Variants in AATK observed in about 807,000 individuals in gnomAD.
The protein encoded by AATK is serine/threonine-protein kinase LMTK1.
AATK carries 91 observed loss-of-function variants against 114.3 expected under a neutral mutation model. The ratio of observed to expected loss-of-function variants is 0.80; its 90% CI spans 0.67 to 0.95. The LOEUF is 0.95. Among genes scored for constraint, AATK ranks in the 40% least tolerant of loss-of-function variants. The pLI, the probability that AATK is intolerant of heterozygous loss-of-function variation, is 0.00. For missense variants in AATK, 2,176 were observed against 1,965.2 expected (o/e 1.11, Z -2.03); for synonymous variants, 1,075 against 916.5 (o/e 1.17, Z -3.12).
intron 9 of AATK, among the ~76,000 whole-genome samples, chr17:81,123,706 G>T (rs1035648754): frequency 7.2e-6 from 1 of 138,196 alleles, no homozygotes; most frequent in Non-Finnish European, 1.6e-5. Flanking sequence ...GCGGAGTAGG[G>T]CCCGCACCAG....
rs747997945 is a variant in AATK at position 81,119,428 on chromosome 17, G to A, written c.4036C>T (p.Arg1346Cys). ...TCAGACACGTGCGTGATGGAGAAGC[G>A]GGACGTGGGCGCGGGCGACACCGTG... Reference protein sequence around the residue: ...RFTVSPAPTSRFSITHVSDSD... With the variant: ...RFTVSPAPTSCFSITHVSDSD... Residue 1346 changes from arginine to cysteine, a missense_variant, in exon 13 of 14, where the codon CGC (arginine) becomes TGC (cysteine). By Grantham distance (180) the Arg-to-Cys change is radical. Around this residue, in one of 4 missense-constraint regions of AATK, gnomAD observed 1,701 missense variants for 1,394.7 expected, o/e 1.22. Coordinates refer to ENST00000326724, the MANE Select transcript of AATK (RefSeq NM_001080395.3). 7.2e-6 allele frequency: 11 copies of A among 1,531,482 alleles called. No homozygotes were observed. The highest frequency in any genetic ancestry group is 9.6e-6 in the Non-Finnish European group (11 of 1,146,236). The allele number at this position is 1,531,482 out of a possible 1,614,324, so 94.9% of individuals were successfully genotyped here. A position where few individuals can be genotyped will look rare whatever the true frequency, so the allele number is the denominator to read the frequency against.
chr17:81,125,839 G>A, intron 7 of AATK: 2 of 461,674 alleles, frequency 4.3e-6, no homozygotes, highest in South Asian at 1.6e-5. Flanking sequence ...TGGGGGCAGG[G>A]CAGCTGGGGC....
At position 81,138,973 on chromosome 17, in the gene AATK, CCA is replaced by C. The variant is rs1490491238; in HGVS notation, c.56-4474_56-4473del. Among the ~76,000 whole-genome samples, 4 of 151,200 alleles carry C rather than the reference CCA, an allele frequency of 2.6e-5. No individual in the cohort carries two copies. In the East Asian group the frequency reaches 7.8e-4, roughly 30 times the overall value. ...ACACCCCCCACACGTGCGCGCGCAC[CCA>C]CACCCACACGTGCGTACACACGCAT... On this transcript the variant is annotated intron_variant, in intron 1 of 13. Transcript: ENST00000326724.
At position 81,134,495 on chromosome 17, in the gene AATK, G is replaced by A. The variant is rs778744693; in HGVS notation, c.62C>T (p.Ala21Val). ...TGGCCAGGACAGCTCGCTGAGCGGG[G>A]CGCCGTCTGCGGGAGAGCAGTGTGG... ...AFSSHFDPDG[A>V]PLSELSWPSS... Residue 21 changes from alanine (A) to valine (V), a missense_variant, in exon 2 of 14, where the codon GCC becomes GTC. Transcript: ENST00000326724. 12 of 1,611,586 alleles carry A rather than the reference G, an allele frequency of 7.4e-6. No homozygotes were observed. In the Admixed American group the frequency reaches 1.5e-4, roughly 20 times the overall value.
intron 1 of AATK, among the ~76,000 whole-genome samples, chr17:81,164,505 C>T (rs1598237629): frequency 1.3e-5 from 2 of 152,366 alleles, no homozygotes; most frequent in African/African-American, 4.8e-5. Context: ...TAAACGGACA[C>T]ATTAGAATTA....
intron 2 of AATK, among the ~76,000 whole-genome samples, chr17:81,131,489 G>T (rs2060930727): frequency 6.6e-6 from 1 of 152,182 alleles, no homozygotes; most frequent in African/African-American, 2.4e-5. Flanking sequence ...ACCCATCTCA[G>T]ACTCCAGAAA....
At chr17:81,137,942 CCACA>C (rs2061040910) in intron 1 of AATK, among the ~76,000 whole-genome samples, 1 of 141,104 alleles carries the variant, frequency 7.1e-6, no homozygotes, top group South Asian at 2.3e-4. Flanking sequence ...ACGCACACAT[CCACA>C]CGCACGCACA....
intron 2 of AATK, among the ~76,000 whole-genome samples, chr17:81,133,897 G>A (rs1276955423): frequency 6.6e-6 from 1 of 152,184 alleles, no homozygotes; most frequent in Non-Finnish European, 1.5e-5. Flanking sequence ...GACTCCAACT[G>A]GCAAGAAGGT....
chr17:81,121,550 G>C lies in AATK; in HGVS notation c.2386C>G (p.Leu796Val). The stretch of plus-strand genomic sequence containing the variant: ...TGGGATGGGGAGGGGACGGAAGGAA[G>C]GGGCAGGCGGGGTCCGGTAGTGCCC... The part of the protein sequence containing the change: ...AEGTTGPRLP[L>V]PSVPSPSQEG... Residue 796 changes from leucine to valine, a missense_variant, in exon 11 of 14, where the codon CTT (leucine) becomes GTT (valine). Leu to Val is a conservative substitution (Grantham distance 32). This residue lies in a region of AATK where 1,701 missense variants were observed against 1,394.7 expected (regional missense o/e 1.22). Transcript: ENST00000326724. 1 of 1,527,472 alleles carries C rather than the reference G, an allele frequency of 6.5e-7. No homozygotes were observed. Among genetic ancestry groups the C allele is most frequent in the Non-Finnish European group, 8.8e-7 (1 of 1,136,814 alleles). The allele number at this position is 1,527,472 out of a possible 1,614,324, so 94.6% of individuals were successfully genotyped here. A position where few individuals can be genotyped will look rare whatever the true frequency, so the allele number is the denominator to read the frequency against.
intron 13 of AATK, among the ~76,000 whole-genome samples, 191 bp downstream of exon 13, chr17:81,119,189 T>TGAGGGCCAGGC (rs1215173335): frequency 4.7e-4 from 40 of 85,324 alleles, no homozygotes; most frequent in African/African-American, 1.7e-3. Context: ...GAGGGTCAGG[T>TGAGGGCCAGGC]GAGGGCCAGG....
Position 81,140,704 on chromosome 17 carries a change from GGGCGGTGA to G in AATK, c.56-6211_56-6204del, listed in dbSNP as rs2061112812. On this transcript the variant is annotated intron_variant, in intron 1 of 13. Transcript: ENST00000326724. Reference sequence around the variant, plus strand: ...GGGGCCGTGGGGCCGTTGAGCTGTGGGGCGGTGAGACCGTGGGGCTGTGAGCCGTGGGG... The same window carrying G: ...GGGGCCGTGGGGCCGTTGAGCTGTGGGACCGTGGGGCTGTGAGCCGTGGGG... Among the ~76,000 whole-genome samples, 8 of 127,248 alleles carry G rather than the reference GGGCGGTGA, an allele frequency of 6.3e-5. 3 individuals carry two copies. Among genetic ancestry groups the G allele is most frequent in the African/African-American group, 2.1e-4 (7 of 33,266 alleles). 83.5% of individuals were successfully genotyped at this position (127,248 alleles called of 152,430 possible).
chr17:81,124,720 C>A lies in AATK; in HGVS notation c.962+7G>T. ...GCCCCTCACGGTGCCACCAGGGCCGCACTCACCACACATTCCCGCTCTTGG... is the reference window on the plus strand; with the variant it reads ...GCCCCTCACGGTGCCACCAGGGCCGAACTCACCACACATTCCCGCTCTTGG... On this transcript the variant is annotated splice_region_variant and intron_variant, in intron 9 of 13. Transcript: ENST00000326724. 2 of 1,612,416 alleles carry A rather than the reference C, an allele frequency of 1.2e-6. No homozygotes were observed. The highest frequency in any genetic ancestry group is 1.7e-6 in the Non-Finnish European group (2 of 1,179,532).
chr17:81,131,317 G>C (rs183801526), intron 2 of AATK, 112 bp from the exon 3 acceptor site: 176 of 1,382,690 alleles, frequency 1.3e-4, no homozygotes, highest in African/African-American at 4.7e-4. Flanking sequence ...AGGGCAGGAG[G>C]GGGTGCTCGG....
At chr17:81,128,404 G>A in intron 4 of AATK, 66 bp downstream of exon 4, 1 of 1,528,682 alleles carries the variant, frequency 6.5e-7, no homozygotes, top group Non-Finnish European at 8.8e-7. Flanking sequence ...AGGAGGAGCA[G>A]GTCTGCAGCC....
intron 1 of AATK, among the ~76,000 whole-genome samples, chr17:81,137,000 G>A (rs2061020542): frequency 2.0e-5 from 3 of 152,286 alleles, no homozygotes; most frequent in African/African-American, 7.2e-5. Context: ...GCTCATGCCT[G>A]TAATCTCAGC....
rs148307727 is a variant in AATK at position 81,129,916 on chromosome 17, C to G, written c.334+1145G>C. ...AGTGCCAGCCCTGATTCCTGCCGAACTGGGAACCTGTCCTCCAGGAGATGG... is the reference window on the plus strand; with the variant it reads ...AGTGCCAGCCCTGATTCCTGCCGAAGTGGGAACCTGTCCTCCAGGAGATGG... On this transcript the variant is annotated intron_variant, in intron 3 of 13. Coordinates refer to ENST00000326724, the MANE Select transcript of AATK (RefSeq NM_001080395.3). Among the ~76,000 whole-genome samples the G allele has an allele frequency of 2.8e-4, 43 of 152,350 alleles. No homozygotes were observed. The East Asian group carries it at 7.7e-3, about 27-fold the overall frequency.
chr17:81,137,677 T>G (rs1024980333), intron 1 of AATK, among the ~76,000 whole-genome samples: 1 of 152,198 alleles, frequency 6.6e-6, no homozygotes, highest in Middle Eastern at 3.4e-3. Context: ...CCCACGTATG[T>G]GCATGCATGA....
chr17:81,140,836 G>A (rs2061119524), intron 1 of AATK, among the ~76,000 whole-genome samples: 1 of 136,824 alleles, frequency 7.3e-6, no homozygotes, highest in Non-Finnish European at 1.5e-5. Context: ...GGGAGACCGT[G>A]GGGCCGTGAG....
chr17:81,120,538 ATCCGCTTT>A lies in AATK; in HGVS notation c.3390_3397del (p.Gln1130HisfsTer34). ...GGCTCTGGGGGTGCCTGGGCCCCCC[ATCCGCTTT>A]TGTGGGGCCGGCCCTGACAACAGTC... On this transcript the variant is annotated frameshift_variant, in exon 11 of 14. Coordinates refer to ENST00000326724, the MANE Select transcript of AATK (RefSeq NM_001080395.3). LOFTEE classifies it high-confidence loss of function. 1 of 1,485,642 alleles carries A rather than the reference ATCCGCTTT, an allele frequency of 6.7e-7. No individual in the cohort carries two copies. The highest frequency in any genetic ancestry group is 9.0e-7 in the Non-Finnish European group (1 of 1,117,100). 92.0% of individuals were successfully genotyped at this position (1,485,642 alleles called of 1,614,324 possible).
Sources: allele counts gnomAD v4.1 joint callset (sites outside exome capture counted in the v4.1 genomes callset), GRCh38; gene constraint gnomAD v4.1.1; regional missense constraint gnomAD v4.1.1; transcripts MANE v1.5; gene names NCBI Gene and HGNC (gene_info 2026-07-23, HGNC 2026-07-21).